Variants in LRRIQ1 observed in about 807,000 individuals in gnomAD.
LRRIQ1 encodes the protein leucine-rich repeat- and IQ domain-containing protein 1.
Under a neutral mutation model 211.9 loss-of-function variants are expected in LRRIQ1, and 210 were observed. The observed-to-expected ratio is 0.99, with a 90% confidence interval of 0.89 to 1.11. The LOEUF (loss-of-function observed/expected upper bound fraction) is 1.11. Ranked by LOEUF, LRRIQ1 falls within the 50% of genes most tolerant of loss-of-function variation. LRRIQ1 has a pLI of 0.00. For synonymous variants in LRRIQ1, 699 were observed against 650.1 expected (o/e 1.08, Z -1.14); for missense variants, 2,136 against 1,939.5 (o/e 1.10, Z -1.90).
At chr12:85,233,239 G>T (rs779086955) in intron 26 of LRRIQ1, among the ~76,000 whole-genome samples, 1 of 151,908 alleles carries the variant, frequency 6.6e-6, no homozygotes, top group African/African-American at 2.4e-5. Flanking sequence ...GAATAAAGAC[G>T]CTATGCAGTA....
At chr12:85,250,167 T>G (rs1895862196) in intron 1 of LRRIQ1, among the ~76,000 whole-genome samples, 1 of 151,830 alleles carries the variant, frequency 6.6e-6, no homozygotes, top group East Asian at 1.9e-4. Context: ...GCATCAGAGC[T>G]AGGAAAATGA....
chr12:85,036,742 T>C (rs1267879326), intron 1 of LRRIQ1, among the ~76,000 whole-genome samples: 4 of 142,838 alleles, frequency 2.8e-5, no homozygotes, highest in Admixed American at 7.3e-5. Flanking sequence ...CTGTCTCTCT[T>C]TCTTTCTTTT....
chr12:85,058,311 GA>G (rs746067637), intron 8 of LRRIQ1, among the ~76,000 whole-genome samples: 4 of 151,980 alleles, frequency 2.6e-5, no homozygotes, highest in Non-Finnish European at 4.4e-5. Flanking sequence ...GCTACATATA[GA>G]ATCTCTCATC....
chr12:85,234,921 A>G (rs1204096087), intron 26 of LRRIQ1, among the ~76,000 whole-genome samples: 1 of 152,206 alleles, frequency 6.6e-6, no homozygotes, highest in Non-Finnish European at 1.5e-5. Context: ...AGTAAATCAG[A>G]AGATTATCTA....
chr12:85,244,716 G>T (rs1314874896), intron 26 of LRRIQ1, 73 bp from the exon 27 acceptor site: 17 of 1,269,466 alleles, frequency 1.3e-5, no homozygotes, highest in Non-Finnish European at 1.9e-5. Context: ...TTTATTTGGG[G>T]TAATGTGAGC....
At chr12:85,249,981 A>T (rs536925669), downstream of LRRIQ1, among the ~76,000 whole-genome samples, 11 of 149,662 alleles carry the variant, frequency 7.3e-5, no homozygotes, top group African/African-American at 2.7e-4. Flanking sequence ...TGTTGTACTA[A>T]TTTTTTTTTT....
At chr12:85,262,031 C>T (rs1896314333) in intron 1 of LRRIQ1, among the ~76,000 whole-genome samples, 1 of 152,088 alleles carries the variant, frequency 6.6e-6, no homozygotes, top group African/African-American at 2.4e-5. Flanking sequence ...CTCAAGTGAT[C>T]CGCCAGCCTT....
Position 85,214,171 on chromosome 12 carries a change from CAA to C in LRRIQ1, c.4823-15345_4823-15344del, listed in dbSNP as rs140624105. Among the ~76,000 whole-genome samples, 749 of 151,954 alleles carry C rather than the reference CAA, an allele frequency of 4.9e-3. 8 individuals carry two copies. Among genetic ancestry groups the C allele is most frequent in the African/African-American group, 0.017 (723 of 41,498 alleles). Reference sequence around the variant, plus strand: ...AATCAAATATTGAAGATACATCTAACAAGAGATGCATAAGACCTTATGAAGAA... The same window carrying C: ...AATCAAATATTGAAGATACATCTAACGAGATGCATAAGACCTTATGAAGAA... On this transcript the variant is annotated intron_variant, in intron 24 of 26. Coordinates refer to ENST00000393217, the MANE Select transcript of LRRIQ1 (RefSeq NM_001079910.2).
intron 24 of LRRIQ1, among the ~76,000 whole-genome samples, chr12:85,216,982 C>T (rs74111612): frequency 0.14 from 20,642 of 151,870 alleles, 3,059 homozygotes; most frequent in African/African-American, 0.37. Flanking sequence ...AACTTTAGAA[C>T]CAGGTTTATT....
intron 11 of LRRIQ1, among the ~76,000 whole-genome samples, chr12:85,084,739 A>G (rs1884636138): frequency 6.6e-6 from 1 of 151,966 alleles, no homozygotes; most frequent in African/African-American, 2.4e-5. Context: ...CAGCCTGGCC[A>G]ACATGGTGAA....
Position 85,153,662 on chromosome 12 carries a change from G to C in LRRIQ1, c.4542-1G>C. On this transcript the variant is annotated splice_acceptor_variant, in intron 21 of 26. Transcript: ENST00000393217. LOFTEE classifies it high-confidence loss of function. Reference sequence around the variant, plus strand: ...TAAAAGTGGTTTTTTTCTATTGCCAGATCAGAAAATAAAACTTCTTCCTGG... The same window carrying C: ...TAAAAGTGGTTTTTTTCTATTGCCACATCAGAAAATAAAACTTCTTCCTGG... The C allele has an allele frequency of 3.2e-6, 5 of 1,573,216 alleles. No homozygotes were observed. The highest frequency in any genetic ancestry group is 3.4e-6 in the Non-Finnish European group (4 of 1,161,282).
At chr12:85,206,540 A>T (rs1168430655) in intron 24 of LRRIQ1, among the ~76,000 whole-genome samples, 1 of 152,102 alleles carries the variant, frequency 6.6e-6, no homozygotes, top group East Asian at 1.9e-4. Context: ...AGTAAAGGGG[A>T]GACAAAGTCT....
chr12:85,247,546 A>T (rs895576071), downstream of LRRIQ1, among the ~76,000 whole-genome samples: 1 of 151,548 alleles, frequency 6.6e-6, no homozygotes, highest in African/African-American at 2.4e-5. Flanking sequence ...CCTTAGGTAA[A>T]TTGTTTAACC....
intron 24 of LRRIQ1, among the ~76,000 whole-genome samples, chr12:85,172,332 A>G (rs1033574139): frequency 4.6e-5 from 7 of 152,164 alleles, no homozygotes; most frequent in Admixed American, 3.3e-4. Flanking sequence ...TTACTACAAC[A>G]TCTTGGAAAG....
intron 15 of LRRIQ1, among the ~76,000 whole-genome samples, chr12:85,116,179 G>T (rs1363940075): frequency 3.3e-5 from 5 of 152,196 alleles, no homozygotes; most frequent in Admixed American, 3.3e-4. Context: ...GTCTCGCTCT[G>T]TCGCCCAGGC....
At chr12:85,109,506 T>C (rs896358322) in intron 15 of LRRIQ1, among the ~76,000 whole-genome samples, 4 of 152,192 alleles carry the variant, frequency 2.6e-5, no homozygotes, top group Admixed American at 6.6e-5. Context: ...GAAAAAAATT[T>C]GTCAACTTCC....
downstream of LRRIQ1, among the ~76,000 whole-genome samples, chr12:85,267,980 A>T (rs1339469098): frequency 1.3e-5 from 2 of 152,072 alleles, no homozygotes; most frequent in East Asian, 1.9e-4. Context: ...CCCCTGGCCT[A>T]ATATCTTGAT....
intron 15 of LRRIQ1, among the ~76,000 whole-genome samples, chr12:85,111,287 G>A (rs2136349486): frequency 6.6e-6 from 1 of 152,206 alleles, no homozygotes; most frequent in East Asian, 1.9e-4. Flanking sequence ...TAACCACTCT[G>A]CTTTCACAGG....
intron 24 of LRRIQ1, among the ~76,000 whole-genome samples, chr12:85,166,506 A>G (rs1891162140): frequency 6.6e-6 from 1 of 152,206 alleles, no homozygotes; most frequent in African/African-American, 2.4e-5. Context: ...TTTTTACTCC[A>G]GAACATTTCT....
Sources: gnomAD v4.1 joint callset for allele counts (sites outside exome capture counted in the v4.1 genomes callset) on GRCh38, gnomAD v4.1.1 for gene constraint, MANE v1.5 for transcripts, NCBI Gene and HGNC (gene_info 2026-07-23, HGNC 2026-07-21) for gene names.